The following MPP4 variants were observed in gnomAD, a reference collection of about 807,000 sequenced individuals.
MPP4 encodes MAGUK p55 subfamily member 4.
In MPP4, 91 loss-of-function variants were observed where a neutral mutation model predicts 98.3. That is an observed-to-expected ratio of 0.93 (90% CI 0.78 to 1.10). The LOEUF is 1.10. Among genes scored for constraint, MPP4 ranks in the 50% least tolerant of loss-of-function variants. The pLI is 0.00. For missense variants in MPP4, 744 were observed against 792.9 expected, an observed-to-expected ratio of 0.94 and a Z score of 0.74; for synonymous variants, 261 against 271.8, an observed-to-expected ratio of 0.96 and a Z score of 0.39.
intron 3 of MPP4, among the ~76,000 whole-genome samples, chr2:201,690,917 C>G (rs959553811): frequency 6.6e-6 from 1 of 152,220 alleles, no homozygotes; most frequent in Non-Finnish European, 1.5e-5. Context: ...GACACCAAAG[C>G]CTGCCTAGCT....
intron 14 of MPP4, among the ~76,000 whole-genome samples, chr2:201,662,337 C>A (rs1688051934): frequency 6.7e-6 from 1 of 150,104 alleles, no homozygotes; most frequent in Non-Finnish European, 1.5e-5. Context: ...CCCGTCTCTA[C>A]TAAAAATACA....
At chr2:201,664,362 G>T (rs1378630420) in intron 13 of MPP4, 1 of 1,375,162 alleles carries the variant, frequency 7.3e-7, no homozygotes. Flanking sequence ...ATAATAGAAG[G>T]TGAATAAAAT....
rs767525996 is a variant in MPP4 at position 201,693,010 on chromosome 2, C to T, written c.99G>A (p.Arg33=). ...NPQNGLSQIL[R]LVLQELSLFY... is the part of the protein sequence containing the mutation. Reference sequence around the variant, plus strand: ...ACAGACTCAGCTCTTGCAGCACAAGCCTCAGGATCTGGGAGAGGCCTAGGA... The same window carrying T: ...ACAGACTCAGCTCTTGCAGCACAAGTCTCAGGATCTGGGAGAGGCCTAGGA... Residue 33 remains arginine, a synonymous_variant, in exon 3 of 22, where the codon AGG becomes AGA. Transcript: ENST00000409474. The T allele has an allele frequency of 8.7e-6, 14 of 1,612,544 alleles. No individual in the cohort carries two copies. The highest frequency in any genetic ancestry group is 1.0e-5 in the Non-Finnish European group (12 of 1,179,364).
chr2:201,660,493 C>A, intron 14 of MPP4, 147 bp from the exon 15 acceptor site: 1 of 821,204 alleles, frequency 1.2e-6, no homozygotes, highest in Non-Finnish European at 2.1e-6. Flanking sequence ...CCTGGCAAGG[C>A]AAATGATCAC....
chr2:201,664,408 T>G, intron 13 of MPP4: 5 of 1,113,124 alleles, frequency 4.5e-6, no homozygotes, highest in Non-Finnish European at 6.1e-6. Context: ...AAGGGGAAAG[T>G]GGAATGTCAG....
chr2:201,661,426 C>T (rs2105920774), intron 14 of MPP4: 1 of 456,500 alleles, frequency 2.2e-6, no homozygotes, highest in African/African-American at 2.0e-5. Flanking sequence ...GAAAATATGC[C>T]AGCTGGGTGC....
chr2:201,647,904 G>A (rs1369524256), intron 20 of MPP4, 79 bp from the exon 21 acceptor site: 6 of 1,379,252 alleles, frequency 4.4e-6, no homozygotes, highest in South Asian at 4.1e-5. Flanking sequence ...CACCCAGGCT[G>A]GAGTGCTGTG....
intron 21 of MPP4, among the ~76,000 whole-genome samples, chr2:201,646,172 C>G (rs184279450): frequency 6.6e-6 from 1 of 152,276 alleles, no homozygotes; most frequent in East Asian, 1.9e-4. Context: ...CTTACCTAAA[C>G]ACTTGAAACT....
At chr2:201,671,994 C>A (rs1688355773) in intron 11 of MPP4, among the ~76,000 whole-genome samples, 1 of 152,134 alleles carries the variant, frequency 6.6e-6, no homozygotes, top group African/African-American at 2.4e-5. Context: ...TGACCACCAA[C>A]CGGAAGTAAA....
chr2:201,674,968 C>T (rs1688460959), intron 11 of MPP4: 2 of 633,460 alleles, frequency 3.2e-6, no homozygotes, highest in Non-Finnish European at 5.8e-6. Context: ...CCTATGATTT[C>T]GTCTCTGATC....
chr2:201,651,518 T>G, intron 18 of MPP4: 1 of 985,446 alleles, frequency 1.0e-6, no homozygotes, highest in Non-Finnish European at 1.2e-6. Context: ...ACTCGAGGTA[T>G]CCATTTTAAG....
intron 2 of MPP4, among the ~76,000 whole-genome samples, chr2:201,693,317 T>A (rs1403278325): frequency 1.3e-5 from 2 of 152,204 alleles, no homozygotes; most frequent in African/African-American, 4.8e-5. Context: ...TGTGCAGATG[T>A]AAGATGTCAT....
At chr2:201,689,248 C>G (rs1688930688) in intron 4 of MPP4, among the ~76,000 whole-genome samples, 1 of 152,004 alleles carries the variant, frequency 6.6e-6, no homozygotes, top group African/African-American at 2.4e-5. Context: ...TTGCTTGAAC[C>G]CAGGAGGCAG....
intron 14 of MPP4, chr2:201,661,360 C>G (rs962306291): frequency 2.2e-6 from 1 of 455,710 alleles, no homozygotes; most frequent in East Asian, 7.0e-5. Context: ...GCTCACTAAG[C>G]AGTCTAAGTA....
At chr2:201,688,682 C>T (rs1307510060) in intron 4 of MPP4, among the ~76,000 whole-genome samples, 4 of 151,250 alleles carry the variant, frequency 2.6e-5, no homozygotes, top group East Asian at 2.0e-4. Flanking sequence ...GGTGTGATCT[C>T]GGCTCACTGC....
At position 201,687,423 on chromosome 2, in the gene MPP4, C is replaced by T. The variant is rs946802827; in HGVS notation, c.280-52G>A. The T allele has an allele frequency of 1.2e-5, 16 of 1,373,466 alleles. No individual in the cohort carries two copies. The Admixed American group carries it at 2.8e-4, about 24-fold the overall frequency. 85.1% of individuals were successfully genotyped at this position (1,373,466 alleles called of 1,614,324 possible). On this transcript the variant is annotated intron_variant, in intron 4 of 21. Coordinates refer to ENST00000409474, the MANE Select transcript of MPP4 (RefSeq NM_033066.3). ...AAAAATTTTAAAAAATCTTTATCACCTACTTAACCTCACCCAGGCTGGATA... is the reference window on the plus strand; with the variant it reads ...AAAAATTTTAAAAAATCTTTATCACTTACTTAACCTCACCCAGGCTGGATA...
At chr2:201,688,724 G>A (rs938440541) in intron 4 of MPP4, among the ~76,000 whole-genome samples, 7 of 151,818 alleles carry the variant, frequency 4.6e-5, no homozygotes, top group Admixed American at 1.3e-4. Flanking sequence ...AGCAATTTTC[G>A]TGCCTCCCAA....
In MPP4 at chr2:201,654,918, C is replaced by T. The variant is rs1687812178; in HGVS notation, c.1301-1G>A. The T allele has an allele frequency of 6.3e-7, 1 of 1,590,532 alleles. No homozygotes were observed. Among genetic ancestry groups the T allele is most frequent in the Non-Finnish European group, 8.6e-7 (1 of 1,167,868 alleles). On this transcript the variant is annotated splice_acceptor_variant, in intron 17 of 21. Coordinates refer to ENST00000409474, the MANE Select transcript of MPP4 (RefSeq NM_033066.3). LOFTEE classifies it high-confidence loss of function. ...TCATTTACTCCAACACCAGAGGGTCCTAAACACAAAAAGTCACACACAGAA... is the reference window on the plus strand; with the variant it reads ...TCATTTACTCCAACACCAGAGGGTCTTAAACACAAAAAGTCACACACAGAA...
chr2:201,649,604 T>C lies in MPP4; in HGVS notation c.1556A>G (p.Lys519Arg). 1.2e-6 allele frequency: 2 copies of C among 1,607,646 alleles called. No individual in the cohort carries two copies. The highest frequency in any genetic ancestry group is 1.7e-6 in the Non-Finnish European group (2 of 1,176,990). ...AGGCTCTAGGTCCATGACACAGATC[T>C]TTCCTTCGACAAGGACTGTTTGAAC... ...DAVQTVLVEGKICVMDLEPQD... is the reference protein window; with the variant it reads ...DAVQTVLVEGRICVMDLEPQD... The change falls in exon 20 of 22, where the codon AAG (lysine) becomes AGG (arginine). Residue 519 changes from lysine to arginine, a missense_variant. Transcript: ENST00000409474.
Sources: allele counts gnomAD v4.1 joint callset (sites outside exome capture counted in the v4.1 genomes callset), GRCh38; gene constraint gnomAD v4.1.1; transcripts MANE v1.5; gene names NCBI Gene and HGNC (gene_info 2026-07-23, HGNC 2026-07-21).